Variants in MIAT observed in about 807,000 individuals in gnomAD.
MIAT encodes the protein MI related novel mRNA.
At chr22:26,668,481 T>C (rs1158023904) in exon 6 of MIAT, 1 of 398,782 alleles carries the variant, frequency 2.5e-6, no homozygotes, top group African/African-American at 2.1e-5. Context: ...TGTCTGGGTC[T>C]GGGGGCCCTT....
chr22:26,668,964 T>G, exon 6 of MIAT: 1 of 398,412 alleles, frequency 2.5e-6, no homozygotes. Context: ...TGGCCCTGGG[T>G]TTTTTTTCCT....
intron 3 of MIAT, chr22:26,663,487 C>G (rs1218734172): frequency 2.5e-6 from 1 of 396,822 alleles, no homozygotes; most frequent in South Asian, 1.3e-4. Flanking sequence ...ATCCGTATGT[C>G]CTGAGACCTC....
chr22:26,652,803 TGTC>T (rs952269941), intron 2 of MIAT, among the ~76,000 whole-genome samples: 20 of 152,190 alleles, frequency 1.3e-4, no homozygotes, highest in Non-Finnish European at 2.6e-4. Flanking sequence ...CTTGATATGT[TGTC>T]AGTGTCAGAA....
At chr22:26,671,798 C>T (rs1569224700), downstream of MIAT, 1 of 397,730 alleles carries the variant, frequency 2.5e-6, no homozygotes. Context: ...GGATTCCCGT[C>T]AATATAAGGG....
downstream of MIAT, chr22:26,674,637 A>G (rs1931194075): frequency 7.5e-6 from 3 of 398,596 alleles, no homozygotes; most frequent in African/African-American, 2.1e-5. Flanking sequence ...AGAGGGCACA[A>G]GAGAGAAAAG....
intron 5 of MIAT, chr22:26,667,696 A>G: frequency 5.8e-6 from 1 of 173,856 alleles, no homozygotes; most frequent in Non-Finnish European, 1.2e-5. Context: ...CCTTTTTCTC[A>G]GAGACAGGGT....
intron 2 of MIAT, among the ~76,000 whole-genome samples, chr22:26,661,940 A>G (rs12159745): frequency 1.9e-5 from 1 of 53,770 alleles, no homozygotes; most frequent in Non-Finnish European, 3.5e-5. Flanking sequence ...ATATATATAT[A>G]TATATATATA....
chr22:26,673,285 A>C (rs1257334719), downstream of MIAT: 1 of 398,624 alleles, frequency 2.5e-6, no homozygotes, highest in African/African-American at 2.1e-5. Context: ...CCGGGGCCAC[A>C]CCTGGGGGTG....
intron 2 of MIAT, among the ~76,000 whole-genome samples, chr22:26,653,374 G>A (rs986127393): frequency 1.3e-5 from 2 of 152,036 alleles, no homozygotes. Context: ...AGTGAGCCAC[G>A]GTATCCTCTA....
intron 2 of MIAT, among the ~76,000 whole-genome samples, chr22:26,653,181 G>T (rs1012635717): frequency 2.0e-5 from 3 of 152,236 alleles, no homozygotes; most frequent in African/African-American, 7.2e-5. Flanking sequence ...CAAAGGACCA[G>T]CTGAATCCCC....
chr22:26,675,397 A>G (rs1352356316), exon 5 of MIAT: 1 of 398,558 alleles, frequency 2.5e-6, no homozygotes, highest in Non-Finnish European at 4.4e-6. Flanking sequence ...AGCGACGGAT[A>G]TGATCTGAGA....
chr22:26,654,813 G>A (rs551285410), intron 2 of MIAT, among the ~76,000 whole-genome samples: 3 of 152,188 alleles, frequency 2.0e-5, no homozygotes, highest in Non-Finnish European at 2.9e-5. Flanking sequence ...CTGGGTTCAC[G>A]CCATTCTCCT....
chr22:26,662,712 C>T (rs1459641928), intron 2 of MIAT, among the ~76,000 whole-genome samples: 1 of 152,196 alleles, frequency 6.6e-6, no homozygotes, highest in African/African-American at 2.4e-5. Context: ...GCCAACATCT[C>T]TTGTACGTCT....
exon 1 of MIAT, chr22:26,646,757 C>T (rs1199623803): frequency 7.5e-6 from 3 of 398,592 alleles, no homozygotes; most frequent in Non-Finnish European, 1.3e-5. Flanking sequence ...TATTATTTGC[C>T]CCAAACTGTC....
At chr22:26,671,039 ATGTCTACTAAGCACGGT>A (rs1931026475), downstream of MIAT, 1 of 397,776 alleles carries the variant, frequency 2.5e-6, no homozygotes, top group East Asian at 3.6e-5. Context: ...GATGGAAGAG[ATGTCTACTAAGCACGGT>A]TGTCAGATCT....
chr22:26,674,635 CAA>C (rs1375927839), downstream of MIAT: 1 of 398,554 alleles, frequency 2.5e-6, no homozygotes, highest in South Asian at 1.3e-4. Flanking sequence ...GCAGAGGGCA[CAA>C]GAGAGAAAAG....
intron 5 of MIAT, chr22:26,668,050 G>A (rs1602368879): frequency 2.5e-6 from 1 of 397,624 alleles, no homozygotes; most frequent in Non-Finnish European, 4.4e-6. Context: ...AGAGACTGGG[G>A]GGATCTCTGA....
intron 2 of MIAT, among the ~76,000 whole-genome samples, chr22:26,650,861 A>G (rs1930324759): frequency 6.6e-6 from 1 of 152,190 alleles, no homozygotes; most frequent in African/African-American, 2.4e-5. Flanking sequence ...CTGGGTTTCA[A>G]TCTCAGGTTT....
At chr22:26,657,074 C>T (rs546434210) in intron 2 of MIAT, among the ~76,000 whole-genome samples, 16 of 152,366 alleles carry the variant, frequency 1.1e-4, no homozygotes, top group African/African-American at 3.6e-4. Flanking sequence ...CCTGGTTAAG[C>T]CCTTGGCGCT....
Sources: gnomAD v4.1 joint callset for allele counts (sites outside exome capture counted in the v4.1 genomes callset) on GRCh38, gnomAD v4.1.1 for gene constraint, MANE v1.5 for transcripts, NCBI Gene and HGNC (gene_info 2026-07-23, HGNC 2026-07-21) for gene names.